KDELR2: variants seen among roughly 807,000 people sequenced by gnomAD.
KDELR2 encodes KDEL endoplasmic reticulum protein retention receptor 2.
Under a neutral mutation model 23.9 loss-of-function variants are expected in KDELR2, and 15 were observed. The ratio of observed to expected loss-of-function variants is 0.63; its 90% CI spans 0.42 to 0.97. The LOEUF (loss-of-function observed/expected upper bound fraction) is 0.97. Among genes scored for constraint, KDELR2 ranks in the 50% least tolerant of loss-of-function variants. The pLI is 0.00. For synonymous variants in KDELR2, 119 were observed against 106.2 expected, an observed-to-expected ratio of 1.12 and a Z score of -0.74; for missense variants, 272 against 254.6, an observed-to-expected ratio of 1.07 and a Z score of -0.46.
At chr7:6,479,215 T>C (rs527271671) in intron 1 of KDELR2, among the ~76,000 whole-genome samples, 1 of 152,260 alleles carries the variant, frequency 6.6e-6, no homozygotes, top group Non-Finnish European at 1.5e-5. Context: ...TGAAGTGCAA[T>C]GGTGTGATCA....
At chr7:6,469,375 C>G (rs1190924480) in intron 3 of KDELR2, among the ~76,000 whole-genome samples, 1 of 152,186 alleles carries the variant, frequency 6.6e-6, no homozygotes, top group Admixed American at 6.5e-5. Flanking sequence ...CCTGCCTCAG[C>G]CTTCTGAGTA....
At chr7:6,469,447 G>A in intron 3 of KDELR2, 149 bp downstream of exon 3, 2 of 655,214 alleles carry the variant, frequency 3.1e-6, no homozygotes, top group Admixed American at 2.6e-5. Context: ...AGTAGAGACG[G>A]TGTTGCACCA....
chr7:6,478,033 T>C (rs544876581), intron 1 of KDELR2, among the ~76,000 whole-genome samples: 1 of 152,350 alleles, frequency 6.6e-6, no homozygotes, highest in Non-Finnish European at 1.5e-5. Flanking sequence ...AAATTTCTCC[T>C]AGAAAGGCTA....
intron 1 of KDELR2, among the ~76,000 whole-genome samples, chr7:6,483,457 G>C (rs1450965123): frequency 6.6e-6 from 1 of 152,182 alleles, no homozygotes; most frequent in African/African-American, 2.4e-5. Context: ...GCAGGGTGGG[G>C]AGCCGAGTGA....
Position 6,469,648 on chromosome 7 carries a change from A to T in KDELR2, c.299T>A (p.Val100Asp). 6.2e-7 allele frequency: 1 copy of T among 1,614,140 alleles called. No individual in the cohort carries two copies. Among genetic ancestry groups the T allele is most frequent in the Non-Finnish European group, 8.5e-7 (1 of 1,180,010 alleles). The change falls in exon 3 of 5, where the codon GTC becomes GAC. Residue 100 changes from valine to aspartate, a missense_variant. Val to Asp is a radical substitution (Grantham distance 152). Transcript: ENST00000258739. ...TAAAAATGAGAGGCCTCCCACAGGGACCACCAGAAACTCCACTCGGAAGGT... is the reference window on the plus strand; with the variant it reads ...TAAAAATGAGAGGCCTCCCACAGGGTCCACCAGAAACTCCACTCGGAAGGT... ...HDTFRVEFLVVPVGGLSFLVN... is the reference protein window; with the variant it reads ...HDTFRVEFLVDPVGGLSFLVN...
chr7:6,478,569 C>T (rs1785807997), intron 1 of KDELR2, among the ~76,000 whole-genome samples: 1 of 152,046 alleles, frequency 6.6e-6, no homozygotes. Context: ...TGTAGGAGTA[C>T]TTTATTATAG....
intron 1 of KDELR2, among the ~76,000 whole-genome samples, chr7:6,476,274 A>C (rs1785749946): frequency 6.7e-6 from 1 of 150,008 alleles, no homozygotes; most frequent in South Asian, 2.1e-4. Context: ...ATAGAAACCA[A>C]AGGGCCAAAG....
At chr7:6,474,680 CCT>C (rs1445367500) in intron 1 of KDELR2, among the ~76,000 whole-genome samples, 1 of 151,904 alleles carries the variant, frequency 6.6e-6, no homozygotes, top group Non-Finnish European at 1.5e-5. Flanking sequence ...TTTGTTTTCC[CCT>C]GAGACAGGGT....
chr7:6,477,687 GTC>G (rs959600249), intron 1 of KDELR2, among the ~76,000 whole-genome samples: 1 of 152,204 alleles, frequency 6.6e-6, no homozygotes, highest in Non-Finnish European at 1.5e-5. Context: ...TCGAGATGGG[GTC>G]TCTCTCTGTA....
At chr7:6,475,363 G>C (rs528893745) in intron 1 of KDELR2, among the ~76,000 whole-genome samples, 1 of 152,292 alleles carries the variant, frequency 6.6e-6, no homozygotes, top group East Asian at 1.9e-4. Context: ...GGAGGCTGAG[G>C]CTGAGTGAGC....
intron 3 of KDELR2, among the ~76,000 whole-genome samples, chr7:6,468,493 T>G (rs1785550581): frequency 6.6e-6 from 1 of 150,892 alleles, no homozygotes; most frequent in African/African-American, 2.4e-5. Context: ...CACACCCAGC[T>G]AATTTTTGAT....
At chr7:6,470,362 C>A (rs13240397) in intron 2 of KDELR2, 135,695 of 152,166 alleles carry the variant, frequency 0.89, 60,979 homozygotes, top group Non-Finnish European at 0.92. Flanking sequence ...TACATCTCAA[C>A]GATGCCAGTT....
intron 3 of KDELR2, among the ~76,000 whole-genome samples, chr7:6,468,660 C>G (rs1347921803): frequency 6.6e-6 from 1 of 152,080 alleles, no homozygotes; most frequent in African/African-American, 2.4e-5. Flanking sequence ...CGCCCGCCAC[C>G]ACGCCCAGCT....
In KDELR2 at chr7:6,462,904, T is replaced by TAA; in HGVS notation, c.*235_*236dup. 1 of 1,361,066 alleles carries TAA rather than the reference T, an allele frequency of 7.3e-7. No individual in the cohort carries two copies. Among genetic ancestry groups the TAA allele is most frequent in the Non-Finnish European group, 1.0e-6 (1 of 996,986 alleles). 84.3% of individuals were successfully genotyped at this position (1,361,066 alleles called of 1,614,324 possible). A position where few individuals can be genotyped will look rare whatever the true frequency, so the allele number is the denominator to read the frequency against. ...CACACTGAATTTATTAATACAGCAT[T>TAA]AAGTTTCTTTGTGTAAAAAAATCTT... On this transcript the variant is annotated 3_prime_UTR_variant, in exon 5 of 5. Coordinates refer to ENST00000258739, the MANE Select transcript of KDELR2 (RefSeq NM_006854.4).
At chr7:6,473,431 C>T (rs958020806) in intron 2 of KDELR2, among the ~76,000 whole-genome samples, 1 of 152,168 alleles carries the variant, frequency 6.6e-6, no homozygotes, top group Non-Finnish European at 1.5e-5. Flanking sequence ...CTGAAGCTCA[C>T]GTAGTCCACA....
intron 4 of KDELR2, among the ~76,000 whole-genome samples, chr7:6,464,725 CT>C (rs946547515): frequency 1.6e-5 from 2 of 123,430 alleles, no homozygotes; most frequent in African/African-American, 6.1e-5. Context: ...CATATATGCT[CT>C]TTTTTTTCTT....
At position 6,461,581 on chromosome 7, in the gene KDELR2, G is replaced by A. The variant is rs1187724550; in HGVS notation, c.*1560C>T. On this transcript the variant is annotated 3_prime_UTR_variant, in exon 5 of 5. Transcript: ENST00000258739. ...ACACAAAAGCCAAAACATAAGACAA[G>A]GAGGGAAGAGTAAAATGAGGGAGAC... 6.6e-6 allele frequency: 1 copy of A among 151,664 alleles called. No individual in the cohort carries two copies. Among genetic ancestry groups the A allele is most frequent in the Non-Finnish European group, 1.5e-5 (1 of 68,002 alleles). 9.4% of individuals were successfully genotyped at this position (151,664 alleles called of 1,614,324 possible). A position where few individuals can be genotyped will look rare whatever the true frequency, so the allele number is the denominator to read the frequency against.
At position 6,484,017 on chromosome 7, in the gene KDELR2, G is replaced by A. The variant is rs1227470658; in HGVS notation, c.41C>T (p.Ala14Val). 5 of 1,527,962 alleles carry A rather than the reference G, an allele frequency of 3.3e-6. No homozygotes were observed. The highest frequency in any genetic ancestry group is 4.4e-6 in the Non-Finnish European group (5 of 1,135,114). 94.7% of individuals were successfully genotyped at this position (1,527,962 alleles called of 1,614,324 possible). Residue 14 changes from alanine to valine, a missense_variant, in exon 1 of 5, where the codon GCG becomes GTG. Physicochemically the swap from Ala to Val is moderately conservative, Grantham distance 64 (BLOSUM62 0). Coordinates refer to ENST00000258739, the MANE Select transcript of KDELR2 (RefSeq NM_006854.4). Reference sequence around the variant, plus strand: ...CTTCAGCAGCAGGATGACGATGGCCGCCAGGTGGGACAGGTCCCCAGTCAG... The same window carrying A: ...CTTCAGCAGCAGGATGACGATGGCCACCAGGTGGGACAGGTCCCCAGTCAG... Reference protein sequence around the residue: ...FRLTGDLSHLAAIVILLLKIW... With the variant: ...FRLTGDLSHLVAIVILLLKIW...
In KDELR2 at chr7:6,466,074, T is replaced by C. The variant is rs1385944759; in HGVS notation, c.601A>G (p.Lys201Glu). The change falls in exon 4 of 5, where the codon AAA (lysine) becomes GAA (glutamate). Residue 201 changes from lysine (K) to glutamate (E), a missense_variant. Lys to Glu is a moderately conservative substitution (Grantham distance 56). Transcript: ENST00000258739. Reference protein sequence around the residue: ...YCDFFYLYITKVLKGKKLSLP... With the variant: ...YCDFFYLYITEVLKGKKLSLP... ...ACGCAGGTCGCACCCAACATACCTT[T>C]TGTAATGTACAAGTAGAAGAAGTCA... The C allele has an allele frequency of 5.0e-6, 8 of 1,613,694 alleles. No homozygotes were observed. Among genetic ancestry groups the C allele is most frequent in the South Asian group, 1.1e-5 (1 of 91,046 alleles).
Sources: allele counts gnomAD v4.1 joint callset (sites outside exome capture counted in the v4.1 genomes callset), GRCh38; gene constraint gnomAD v4.1.1; transcripts MANE v1.5; gene names NCBI Gene and HGNC (gene_info 2026-07-23, HGNC 2026-07-21).